Variants in ATP9B observed in about 807,000 individuals in gnomAD.
ATP9B encodes probable phospholipid-transporting ATPase IIB.
Under a neutral mutation model 146.1 loss-of-function variants are expected in ATP9B, and 110 were observed. The ratio of observed to expected loss-of-function variants is 0.75; its 90% CI spans 0.65 to 0.88. ATP9B has a LOEUF of 0.88. ATP9B is among the 40% of genes least tolerant of loss of function. The pLI is 0.00. For missense variants in ATP9B, 1,499 were observed against 1,496.4 expected, an observed-to-expected ratio of 1.00 and a Z score of -0.03; for synonymous variants, 604 against 569.7, an observed-to-expected ratio of 1.06 and a Z score of -0.86.
rs370778473 is a variant in ATP9B, at chr18:79,221,825, T to A, written c.1107+7787T>A. Among the ~76,000 whole-genome samples, 397 of 143,316 alleles carry A rather than the reference T, an allele frequency of 2.8e-3. 3 individuals are homozygous for A. The highest frequency in any genetic ancestry group is 3.6e-3 in the Middle Eastern group (1 of 280). 94.0% of individuals were successfully genotyped at this position (143,316 alleles called of 152,430 possible). On this transcript the variant is annotated intron_variant, in intron 11 of 29. Transcript: ENST00000426216. ...GCATTATAAAGGCTTTTTTTTTTTTTAAACTTCTAGTTCTCCTCAGCTAAC... is the reference window on the plus strand; with the variant it reads ...GCATTATAAAGGCTTTTTTTTTTTTAAAACTTCTAGTTCTCCTCAGCTAAC...
chr18:79,356,384 C>T (rs2096953299), intron 25 of ATP9B, among the ~76,000 whole-genome samples: 1 of 152,170 alleles, frequency 6.6e-6, no homozygotes, highest in East Asian at 1.9e-4. Context: ...CCATCTCACT[C>T]GGCACTCCTG....
intron 5 of ATP9B, among the ~76,000 whole-genome samples, chr18:79,126,976 C>A (rs1485479159): frequency 6.6e-6 from 1 of 152,010 alleles, no homozygotes; most frequent in East Asian, 1.9e-4. Context: ...GAAACGATGA[C>A]AAGTAGGCAT....
At chr18:79,147,309 G>A (rs1360769017) in intron 6 of ATP9B, among the ~76,000 whole-genome samples, 3 of 152,178 alleles carry the variant, frequency 2.0e-5, no homozygotes, top group South Asian at 2.1e-4. Context: ...TAGACGCTCC[G>A]CAGTGATGTG....
At chr18:79,163,477 T>C (rs139946957) in intron 7 of ATP9B, among the ~76,000 whole-genome samples, 1 of 152,322 alleles carries the variant, frequency 6.6e-6, no homozygotes, top group African/African-American at 2.4e-5. Context: ...GTGAATGGCA[T>C]TGACATCTCA....
rs1300434143 is a variant in ATP9B, at chr18:79,220,062, C to G, written c.1107+6024C>G. On this transcript the variant is annotated intron_variant, in intron 11 of 29. Transcript: ENST00000426216. ...GCAGAAGCAGAGATAGGCTGCTGGG[C>G]TGGTGCAGAGGTTTGCATGTGGACA... Among the ~76,000 whole-genome samples the G allele has an allele frequency of 2.6e-5, 4 of 152,254 alleles. No homozygotes were observed. The East Asian group carries it at 7.7e-4, about 29-fold the overall frequency.
chr18:79,280,132 A>C (rs2096360721), intron 13 of ATP9B, among the ~76,000 whole-genome samples: 1 of 152,246 alleles, frequency 6.6e-6, no homozygotes, highest in Non-Finnish European at 1.5e-5. Context: ...GAATGTTCTT[A>C]CAGTTGAATA....
At chr18:79,151,610 C>T (rs762289013) in intron 6 of ATP9B, among the ~76,000 whole-genome samples, 2 of 152,148 alleles carry the variant, frequency 1.3e-5, no homozygotes, top group Non-Finnish European at 2.9e-5. Context: ...AGACCCTGCA[C>T]GTGGTTTTGC....
chr18:79,232,507 A>G (rs1384556922), intron 11 of ATP9B, among the ~76,000 whole-genome samples: 1 of 152,236 alleles, frequency 6.6e-6, no homozygotes. Context: ...CAAGATGAAC[A>G]TAAAGCCCCA....
intron 12 of ATP9B, among the ~76,000 whole-genome samples, chr18:79,260,541 C>T (rs567922618): frequency 2.0e-5 from 3 of 152,278 alleles, no homozygotes; most frequent in South Asian, 2.1e-4. Flanking sequence ...GTGTTGGAGT[C>T]TGTTTTCTGA....
chr18:79,224,030 A>G (rs1365094062), intron 11 of ATP9B, among the ~76,000 whole-genome samples: 1 of 152,228 alleles, frequency 6.6e-6, no homozygotes, highest in Non-Finnish European at 1.5e-5. Context: ...AGCTTTACAT[A>G]AAGTTCTGAA....
chr18:79,255,639 A>T (rs2145148659), intron 12 of ATP9B, among the ~76,000 whole-genome samples: 1 of 152,320 alleles, frequency 6.6e-6, no homozygotes, highest in Middle Eastern at 3.4e-3. Flanking sequence ...CAGATGGAGG[A>T]GCTGCTTCTG....
intron 19 of ATP9B, among the ~76,000 whole-genome samples, chr18:79,338,801 TG>T (rs2096841180): frequency 6.6e-6 from 1 of 152,260 alleles, no homozygotes; most frequent in South Asian, 2.1e-4. Context: ...ATTTCAGCAC[TG>T]CCTCAAGGAC....
At chr18:79,246,052 G>C (rs2095956153) in intron 11 of ATP9B, among the ~76,000 whole-genome samples, 1 of 48,570 alleles carries the variant, frequency 2.1e-5, no homozygotes, top group African/African-American at 9.1e-5. Flanking sequence ...TGACTGTGCG[G>C]AGGGCACCAC....
chr18:79,311,459 C>CT (rs1599865194), intron 15 of ATP9B, among the ~76,000 whole-genome samples: 1 of 152,112 alleles, frequency 6.6e-6, no homozygotes, highest in East Asian at 1.9e-4. Context: ...ACAAGAAAGC[C>CT]TAAATGTGCC....
chr18:79,370,309 T>C (rs1299636446), intron 26 of ATP9B, among the ~76,000 whole-genome samples: 1 of 152,182 alleles, frequency 6.6e-6, no homozygotes, highest in Non-Finnish European at 1.5e-5. Flanking sequence ...CTATTACTTC[T>C]ATTTCACAGA....
intron 5 of ATP9B, among the ~76,000 whole-genome samples, chr18:79,126,637 A>G (rs1046223606): frequency 6.6e-6 from 1 of 152,188 alleles, no homozygotes; most frequent in Non-Finnish European, 1.5e-5. Flanking sequence ...TACATGTATT[A>G]CTAATAATCA....
chr18:79,134,927 A>C (rs1457764351), intron 5 of ATP9B, among the ~76,000 whole-genome samples: 1 of 152,190 alleles, frequency 6.6e-6, no homozygotes, highest in Non-Finnish European at 1.5e-5. Flanking sequence ...GTGTTTTCAT[A>C]CAGTGTTTCT....
intron 5 of ATP9B, among the ~76,000 whole-genome samples, chr18:79,135,459 C>G (rs754214415): frequency 1.3e-5 from 2 of 152,100 alleles, no homozygotes; most frequent in Non-Finnish European, 1.5e-5. Context: ...TTCTGAGGGC[C>G]CACATCCTAA....
intron 1 of ATP9B, among the ~76,000 whole-genome samples, chr18:79,074,332 C>T (rs1157803140): frequency 6.6e-6 from 1 of 152,122 alleles, no homozygotes; most frequent in Non-Finnish European, 1.5e-5. Flanking sequence ...CAGTGGCTGC[C>T]CTGGTGTGTC....
Sources: gnomAD v4.1 joint callset for allele counts (sites outside exome capture counted in the v4.1 genomes callset) on GRCh38, gnomAD v4.1.1 for gene constraint, MANE v1.5 for transcripts, NCBI Gene and HGNC (gene_info 2026-07-23, HGNC 2026-07-21) for gene names.